Variants in FAF1 observed in about 807,000 individuals in gnomAD.
The protein encoded by FAF1 is FAS-associated factor 1.
A neutral mutation model predicts 92.5 loss-of-function variants in FAF1; 25 were observed. The ratio of observed to expected loss-of-function variants is 0.27; its 90% CI spans 0.20 to 0.38. FAF1 has a LOEUF of 0.38. Among genes scored for constraint, FAF1 ranks in the 10% least tolerant of loss-of-function variants. The probability of loss-of-function intolerance (pLI) is 1.00; values close to 1 mark genes in which losing one functional copy is unlikely to be tolerated. For synonymous variants in FAF1, 234 were observed against 273.2 expected, an observed-to-expected ratio of 0.86 and a Z score of 1.42; for missense variants, 636 against 793.3, an observed-to-expected ratio of 0.80 and a Z score of 2.38.
chr1:50,794,649 G>T (rs1349432820), intron 3 of FAF1, among the ~76,000 whole-genome samples: 2 of 152,204 alleles, frequency 1.3e-5, no homozygotes, highest in Non-Finnish European at 2.9e-5. Context: ...TGGAGACAGA[G>T]TTTCACTCTT....
At chr1:50,938,328 A>C (rs1222047572) in intron 1 of FAF1, among the ~76,000 whole-genome samples, 1 of 152,160 alleles carries the variant, frequency 6.6e-6, no homozygotes, top group Non-Finnish European at 1.5e-5. Context: ...GTCTCCTAAA[A>C]ACTCAGTAGG....
At chr1:50,595,995 C>T (rs767820262) in intron 9 of FAF1, 126 bp downstream of exon 9, 74 of 638,874 alleles carry the variant, frequency 1.2e-4, no homozygotes, top group Non-Finnish European at 1.9e-4. Context: ...AAGAATTTAC[C>T]GAGATTTAAT....
intron 8 of FAF1, among the ~76,000 whole-genome samples, chr1:50,628,740 C>T (rs1453501876): frequency 1.3e-5 from 2 of 152,204 alleles, no homozygotes; most frequent in African/African-American, 4.8e-5. Flanking sequence ...TTTCATCTCA[C>T]ATTCCATAAA....
chr1:50,569,443 T>C (rs10218771), intron 12 of FAF1, among the ~76,000 whole-genome samples: 4,626 of 152,180 alleles, frequency 0.03, 249 homozygotes, highest in African/African-American at 0.11. Flanking sequence ...CAATGTAAAA[T>C]CAGTTTTAGT....
At chr1:50,537,946 T>C (rs1305429600) in intron 14 of FAF1, among the ~76,000 whole-genome samples, 2 of 152,294 alleles carry the variant, frequency 1.3e-5, no homozygotes, top group South Asian at 2.1e-4. Flanking sequence ...TTTGAAACCG[T>C]ATCAATGAAA....
At chr1:50,824,560 T>C (rs902112349) in intron 2 of FAF1, among the ~76,000 whole-genome samples, 2 of 151,718 alleles carry the variant, frequency 1.3e-5, no homozygotes, top group African/African-American at 2.4e-5. Flanking sequence ...AATATAGAGG[T>C]TCCTCAAAAA....
chr1:50,593,390 C>T (rs901531409), intron 9 of FAF1, among the ~76,000 whole-genome samples: 1 of 152,128 alleles, frequency 6.6e-6, no homozygotes, highest in Non-Finnish European at 1.5e-5. Flanking sequence ...AGATAGGACA[C>T]AGAATAATTA....
intron 8 of FAF1, among the ~76,000 whole-genome samples, chr1:50,610,497 ATTG>A (rs1328640886): frequency 6.6e-6 from 1 of 152,190 alleles, no homozygotes; most frequent in East Asian, 1.9e-4. Flanking sequence ...GTTAATTGTT[ATTG>A]TTGTTATTGT....
chr1:50,724,660 C>G (rs1414382961), intron 6 of FAF1, among the ~76,000 whole-genome samples: 1 of 152,190 alleles, frequency 6.6e-6, no homozygotes, highest in Non-Finnish European at 1.5e-5. Flanking sequence ...TCCCACTCCC[C>G]CTTCCTCCAT....
At chr1:50,661,588 A>G (rs1557461929) in intron 7 of FAF1, among the ~76,000 whole-genome samples, 3 of 152,182 alleles carry the variant, frequency 2.0e-5, no homozygotes, top group African/African-American at 7.2e-5. Context: ...CTGAGCTTAG[A>G]CCGAATTTTA....
chr1:50,783,591 C>T (rs186154214), intron 4 of FAF1, among the ~76,000 whole-genome samples: 306 of 152,088 alleles, frequency 2.0e-3, no homozygotes, highest in Non-Finnish European at 3.5e-3. Context: ...ATAAAAAAAT[C>T]GGCCAGGCGC....
chr1:50,938,995 G>A (rs937676704), intron 1 of FAF1, among the ~76,000 whole-genome samples: 1 of 152,042 alleles, frequency 6.6e-6, no homozygotes, highest in Non-Finnish European at 1.5e-5. Flanking sequence ...GAAGTTGGGT[G>A]GTATAATGCC....
In FAF1 at chr1:50,582,369, TAA is replaced by T; in HGVS notation, c.1113+247_1113+248del. On this transcript the variant is annotated intron_variant, in intron 12 of 18. Coordinates refer to ENST00000396153, the MANE Select transcript of FAF1 (RefSeq NM_007051.3). Reference sequence around the variant, plus strand: ...GGTTAGCAGATGAACCAGAAACAAATAAAGTCTCCAATCTCAAAATGAAAACA... The same window carrying T: ...GGTTAGCAGATGAACCAGAAACAAATAGTCTCCAATCTCAAAATGAAAACA... The T allele has an allele frequency of 7.4e-6, 3 of 403,096 alleles. No homozygotes were observed. The South Asian group carries it at 1.7e-4, about 23-fold the overall frequency. The allele number at this position is 403,096 out of a possible 1,614,324, so 25.0% of individuals were successfully genotyped here. A position where few individuals can be genotyped will look rare whatever the true frequency, so the allele number is the denominator to read the frequency against.
chr1:50,925,929 T>C (rs1311798937), intron 1 of FAF1, among the ~76,000 whole-genome samples: 1 of 152,178 alleles, frequency 6.6e-6, no homozygotes, highest in African/African-American at 2.4e-5. Flanking sequence ...AAGAATGGAA[T>C]TGGGCCAGAT....
At position 50,692,241 on chromosome 1, in the gene FAF1, CTGTGTGTGTGTGTGTGTG is replaced by C. The variant is rs59187392; in HGVS notation, c.657+13527_657+13544del. Among the ~76,000 whole-genome samples the C allele has an allele frequency of 2.4e-3, 305 of 129,082 alleles. 2 individuals carry two copies. Among genetic ancestry groups the C allele is most frequent in the East Asian group, 4.7e-3 (19 of 4,014 alleles). The allele number at this position is 129,082 out of a possible 152,430, so 84.7% of individuals were successfully genotyped here. A position where few individuals can be genotyped will look rare whatever the true frequency, so the allele number is the denominator to read the frequency against. ...ACATATCCAGCACTTGAAGTATTTACTGTGTGTGTGTGTGTGTGTGTGTGTGTGTGTGTGTGTGTGTGT... is the reference window on the plus strand; with the variant it reads ...ACATATCCAGCACTTGAAGTATTTACTGTGTGTGTGTGTGTGTGTGTGTGT... On this transcript the variant is annotated intron_variant, in intron 7 of 18. Transcript: ENST00000396153.
intron 8 of FAF1, among the ~76,000 whole-genome samples, chr1:50,613,369 T>G (rs1326948259): frequency 6.6e-6 from 1 of 152,206 alleles, no homozygotes; most frequent in Non-Finnish European, 1.5e-5. Flanking sequence ...CAAATTTACC[T>G]TCAACATAAT....
At chr1:50,685,731 G>T (rs892520058) in intron 7 of FAF1, among the ~76,000 whole-genome samples, 1 of 152,166 alleles carries the variant, frequency 6.6e-6, no homozygotes, top group South Asian at 2.1e-4. Flanking sequence ...ATGAACTAAG[G>T]TTGGAGAAAT....
intron 1 of FAF1, among the ~76,000 whole-genome samples, chr1:50,922,374 G>T (rs543530178): frequency 7.4e-5 from 10 of 134,790 alleles, no homozygotes; most frequent in Admixed American, 3.4e-4. Context: ...CAGGAGAATC[G>T]CTTGAACCTG....
chr1:50,654,271 T>C (rs192416931), intron 8 of FAF1, among the ~76,000 whole-genome samples: 73 of 152,318 alleles, frequency 4.8e-4, no homozygotes, highest in South Asian at 6.2e-4. Context: ...TATTGATCAT[T>C]ACAAGATGTT....
Sources: allele counts gnomAD v4.1 joint callset (sites outside exome capture counted in the v4.1 genomes callset), GRCh38; gene constraint gnomAD v4.1.1; transcripts MANE v1.5; gene names NCBI Gene and HGNC (gene_info 2026-07-23, HGNC 2026-07-21).